ROR2: variants seen among roughly 807,000 people sequenced by gnomAD.
ROR2 encodes tyrosine-protein kinase transmembrane receptor ROR2.
In ROR2, 33 loss-of-function variants were observed where a neutral mutation model predicts 74.9. The ratio of observed to expected loss-of-function variants is 0.44; its 90% CI spans 0.33 to 0.59. The LOEUF (loss-of-function observed/expected upper bound fraction) is 0.59. Among genes scored for constraint, ROR2 ranks in the 20% least tolerant of loss-of-function variants. The pLI is 0.02. For synonymous variants in ROR2, 586 were observed against 558.7 expected, an observed-to-expected ratio of 1.05 and a Z score of -0.69; for missense variants, 1,216 against 1,313.8, an observed-to-expected ratio of 0.93 and a Z score of 1.15.
In ROR2 at chr9:91,745,801, C is replaced by T. The variant is rs184229338; in HGVS notation, c.495-8283G>A. Among the ~76,000 whole-genome samples, 18 of 152,248 alleles carry T rather than the reference C, an allele frequency of 1.2e-4. No individual in the cohort carries two copies. In the East Asian group the frequency reaches 1.9e-3, roughly 16 times the overall value. ...TGATTGTCTATTTAGTCACCTACTG[C>T]TTGTATCACATAACCTTAAATTCAG... On this transcript the variant is annotated intron_variant, in intron 4 of 8. Transcript: ENST00000375708.
At chr9:91,758,653 T>C (rs1254252834) in intron 2 of ROR2, among the ~76,000 whole-genome samples, 2 of 152,026 alleles carry the variant, frequency 1.3e-5, no homozygotes, top group African/African-American at 4.8e-5. Flanking sequence ...GCTCCTAAAA[T>C]AGGAGCTGGA....
chr9:91,854,015 G>C (rs1464789190), intron 1 of ROR2, among the ~76,000 whole-genome samples: 1 of 152,210 alleles, frequency 6.6e-6, no homozygotes, highest in African/African-American at 2.4e-5. Context: ...CCCTGAAGTG[G>C]AGTAGGAAGG....
intron 4 of ROR2, among the ~76,000 whole-genome samples, chr9:91,744,316 C>A (rs951126296): frequency 6.7e-6 from 1 of 148,926 alleles, no homozygotes; most frequent in Non-Finnish European, 1.5e-5. Context: ...ACCTCCACCT[C>A]CTGGAGGTTG....
At chr9:91,882,658 A>G (rs1053577651) in intron 1 of ROR2, among the ~76,000 whole-genome samples, 31 of 152,266 alleles carry the variant, frequency 2.0e-4, no homozygotes, top group African/African-American at 7.0e-4. Flanking sequence ...ACCTCAAAAT[A>G]TGACTGTGTT....
chr9:91,876,646 A>G (rs1215560921), intron 1 of ROR2, among the ~76,000 whole-genome samples: 1 of 152,214 alleles, frequency 6.6e-6, no homozygotes. Flanking sequence ...GAGCCAAAAG[A>G]AAGAAAATGA....
At chr9:91,814,772 C>T (rs1285139741) in intron 1 of ROR2, among the ~76,000 whole-genome samples, 1 of 152,240 alleles carries the variant, frequency 6.6e-6, no homozygotes, top group East Asian at 1.9e-4. Context: ...AGAAGGAAAA[C>T]TCCCAGGAAG....
intron 1 of ROR2, among the ~76,000 whole-genome samples, chr9:91,786,561 C>A (rs1360073403): frequency 6.6e-6 from 1 of 152,132 alleles, no homozygotes; most frequent in Non-Finnish European, 1.5e-5. Context: ...CACTGCCCCT[C>A]CCTCCCCAGC....
intron 7 of ROR2, among the ~76,000 whole-genome samples, chr9:91,727,315 G>C (rs76060308): frequency 0.024 from 3,701 of 152,004 alleles, 140 homozygotes; most frequent in East Asian, 0.17. Flanking sequence ...CCATGCTCTT[G>C]ACCCAATACA....
intron 4 of ROR2, among the ~76,000 whole-genome samples, chr9:91,745,556 G>A (rs1272919789): frequency 2.0e-5 from 3 of 150,058 alleles, no homozygotes; most frequent in Admixed American, 6.7e-5. Context: ...CTCCCAAGCA[G>A]CTGGGATTAC....
chr9:91,781,507 A>G (rs1450193928), intron 1 of ROR2, among the ~76,000 whole-genome samples: 2 of 152,236 alleles, frequency 1.3e-5, no homozygotes. Context: ...GGCCATTATT[A>G]GTCTGGGACC....
chr9:91,790,379 G>T (rs561241382), intron 1 of ROR2, among the ~76,000 whole-genome samples: 2 of 151,698 alleles, frequency 1.3e-5, no homozygotes, highest in Admixed American at 6.6e-5. Context: ...GTGTGGTGGC[G>T]AAAGCCTGTA....
intron 7 of ROR2, among the ~76,000 whole-genome samples, chr9:91,728,013 A>C (rs1342252322): frequency 2.0e-5 from 3 of 152,156 alleles, no homozygotes; most frequent in Non-Finnish European, 4.4e-5. Flanking sequence ...TCTTCGGGGC[A>C]CTGGGGATGC....
In ROR2 at chr9:91,769,537, G is replaced by A. The variant is rs375855714; in HGVS notation, c.175+6204C>T. On this transcript the variant is annotated intron_variant, in intron 2 of 8. Transcript: ENST00000375708. ...AGCTGAAGTGGCCAGAATGAAACCC[G>A]AGTCTGACCCTGCGTGCCCACCGTG... Among the ~76,000 whole-genome samples the A allele has an allele frequency of 5.6e-3, 853 of 152,214 alleles. 7 individuals are homozygous for A. The highest frequency in any genetic ancestry group is 0.042 in the South Asian group (204 of 4,824).
chr9:91,818,745 C>A (rs1335517225), intron 1 of ROR2, among the ~76,000 whole-genome samples: 1 of 152,184 alleles, frequency 6.6e-6, no homozygotes, highest in East Asian at 1.9e-4. Flanking sequence ...ACTGCCCCAG[C>A]AGTCCTGGAG....
At chr9:91,874,969 T>C (rs115378121) in intron 1 of ROR2, among the ~76,000 whole-genome samples, 137 of 150,554 alleles carry the variant, frequency 9.1e-4, no homozygotes, top group African/African-American at 3.2e-3. Context: ...TGAGAACTCC[T>C]CTATCAGCTG....
intron 4 of ROR2, chr9:91,755,795 G>A (rs1298019256): frequency 7.2e-6 from 4 of 556,984 alleles, no homozygotes; most frequent in East Asian, 2.9e-5. Context: ...AACCTGGCCT[G>A]TATATTTATA....
In ROR2 at chr9:91,905,253, C is replaced by T. The variant is rs1830785416; in HGVS notation, c.97+44614G>A. 6.6e-6 allele frequency among the ~76,000 whole-genome samples: 1 copy of T among 151,632 alleles called. No individual in the cohort carries two copies. Among genetic ancestry groups the T allele is most frequent in the Non-Finnish European group, 1.5e-5 (1 of 67,916 alleles). ...ACACAAACACCACATACAACACATA[C>T]ACAAACATCACACACCACACAAATT... On this transcript the variant is annotated intron_variant, in intron 1 of 8. Coordinates refer to ENST00000375708, the MANE Select transcript of ROR2 (RefSeq NM_004560.4). The surrounding 1 kb of genome is among the most constrained non-coding windows in gnomAD (Gnocchi z 5.3).
chr9:91,901,132 C>T (rs1830667403), intron 1 of ROR2, among the ~76,000 whole-genome samples: 1 of 152,192 alleles, frequency 6.6e-6, no homozygotes, highest in Admixed American at 6.5e-5. Flanking sequence ...AACTGTGTTA[C>T]TTGACAGCCC....
intron 1 of ROR2, among the ~76,000 whole-genome samples, chr9:91,777,629 C>G (rs1826465603): frequency 6.6e-6 from 1 of 152,128 alleles, no homozygotes; most frequent in South Asian, 2.1e-4. Flanking sequence ...ACGATCACCA[C>G]TATGAAATTC....
Sources: gnomAD v4.1 joint callset for allele counts (sites outside exome capture counted in the v4.1 genomes callset) on GRCh38, gnomAD v4.1.1 for gene constraint, Gnocchi (gnomAD v3.1) non-coding constraint, MANE v1.5 for transcripts, NCBI Gene and HGNC (gene_info 2026-07-23, HGNC 2026-07-21) for gene names.